Variants in CHRM2 observed in about 807,000 individuals in gnomAD.
CHRM2 encodes the protein muscarinic acetylcholine receptor M2.
CHRM2 carries 8 observed loss-of-function variants against 25.0 expected under a neutral mutation model. The observed-to-expected ratio is 0.32, with a 90% CI of 0.19 to 0.58. CHRM2 has a LOEUF of 0.58. Ranked by LOEUF, CHRM2 falls within the 20% of genes least tolerant of loss-of-function variation. CHRM2 has a pLI of 0.88. For missense variants in CHRM2, 440 were observed against 567.1 expected (o/e 0.78, Z 2.28); for synonymous variants, 202 against 205.7 (o/e 0.98, Z 0.15).
At position 136,896,015 on chromosome 7, in the gene CHRM2, C is replaced by T. The variant is rs906698517; in HGVS notation, c.-125+26597C>T. Among the ~76,000 whole-genome samples the T allele has an allele frequency of 3.9e-5, 6 of 152,032 alleles. No homozygotes were observed. In the East Asian group the frequency reaches 7.7e-4, roughly 20 times the overall value. On this transcript the variant is annotated intron_variant, in intron 2 of 3. Coordinates refer to ENST00000680005, the MANE Select transcript of CHRM2 (RefSeq NM_001006630.2). ...TTAAGCTTCTAGTAGTCAAGGGCTTCGGTAGTGTTATACAGACTTGTTTTT... is the reference window on the plus strand; with the variant it reads ...TTAAGCTTCTAGTAGTCAAGGGCTTTGGTAGTGTTATACAGACTTGTTTTT...
chr7:137,011,298 A>C (rs1804810090), intron 3 of CHRM2, among the ~76,000 whole-genome samples: 1 of 151,030 alleles, frequency 6.6e-6, no homozygotes, highest in African/African-American at 2.4e-5. Flanking sequence ...TCCCATCTGC[A>C]AGCCTGAGAC....
chr7:136,868,994 T>G lies in CHRM2; in HGVS notation c.-283+2T>G, dbSNP rs1365443036. The G allele has an allele frequency of 6.6e-6, 1 of 152,396 alleles. No individual in the cohort carries two copies. The highest frequency in any genetic ancestry group is 3.3e-3 in the Middle Eastern group (1 of 300). The allele number at this position is 152,396 out of a possible 1,614,324, so 9.4% of individuals were successfully genotyped here. ...CTCCAGGCTCTTCGTGAAAGCCAGG[T>G]TTGAAAGTCTTGTTTGCTTCTCCTT... On this transcript the variant is annotated splice_donor_variant, in intron 1 of 3. Coordinates refer to ENST00000680005, the MANE Select transcript of CHRM2 (RefSeq NM_001006630.2). LOFTEE classifies it low-confidence loss of function (5UTR_SPLICE).
At chr7:136,913,797 G>C (rs1439449159) in intron 2 of CHRM2, among the ~76,000 whole-genome samples, 1 of 151,930 alleles carries the variant, frequency 6.6e-6, no homozygotes, top group Non-Finnish European at 1.5e-5. Flanking sequence ...ATGATCAAAG[G>C]TGTAGATGGA....
chr7:137,012,899 C>T (rs1313403494), intron 3 of CHRM2, among the ~76,000 whole-genome samples: 3 of 151,794 alleles, frequency 2.0e-5, no homozygotes, highest in East Asian at 1.9e-4. Flanking sequence ...GTGATTATCC[C>T]GCTAGTCCCA....
chr7:137,001,940 C>A (rs1361807529), intron 3 of CHRM2, among the ~76,000 whole-genome samples: 1 of 152,080 alleles, frequency 6.6e-6, no homozygotes, highest in Non-Finnish European at 1.5e-5. Flanking sequence ...ACAACCTAAG[C>A]CATCTCCTAC....
intron 2 of CHRM2, chr7:136,871,944 T>G (rs1422172110): frequency 6.6e-6 from 1 of 152,222 alleles, no homozygotes; most frequent in Non-Finnish European, 1.5e-5. Flanking sequence ...GTTGCAGCAA[T>G]ACAATGGATA....
chr7:136,926,140 G>C (rs1584767503), intron 2 of CHRM2, among the ~76,000 whole-genome samples: 1 of 152,142 alleles, frequency 6.6e-6, no homozygotes, highest in African/African-American at 2.4e-5. Context: ...TGGGGGCTGA[G>C]GCAGGAGATT....
chr7:137,003,862 G>A (rs1458573749), intron 3 of CHRM2, among the ~76,000 whole-genome samples: 1 of 152,094 alleles, frequency 6.6e-6, no homozygotes, highest in African/African-American at 2.4e-5. Flanking sequence ...CTGTTCTTGT[G>A]ATAGCCAGTG....
At chr7:136,936,744 GAAAC>G (rs1403571105) in intron 2 of CHRM2, among the ~76,000 whole-genome samples, 2 of 152,026 alleles carry the variant, frequency 1.3e-5, no homozygotes, top group Non-Finnish European at 2.9e-5. Flanking sequence ...TTTGTAATCA[GAAAC>G]AAAATCAATT....
rs372356228 is a variant in CHRM2 at position 136,883,580 on chromosome 7, C to A, written c.-125+14162C>A. Among the ~76,000 whole-genome samples, 41 of 152,230 alleles carry A rather than the reference C, an allele frequency of 2.7e-4. No individual in the cohort carries two copies. The East Asian group carries it at 7.1e-3, about 27-fold the overall frequency. ...TTTCATCAACCTACAATGAATACTT[C>A]TATGGAAGGTTCCACATGATTATTT... is the stretch of plus-strand genomic sequence containing the variant. On this transcript the variant is annotated intron_variant, in intron 2 of 3. Coordinates refer to ENST00000680005, the MANE Select transcript of CHRM2 (RefSeq NM_001006630.2).
chr7:137,020,053 C>T lies in CHRM2; in HGVS notation c.*3787C>T, dbSNP rs925114074. On this transcript the variant is annotated 3_prime_UTR_variant, in exon 4 of 4. Coordinates refer to ENST00000680005, the MANE Select transcript of CHRM2 (RefSeq NM_001006630.2). ...GAAATTGTGCAAAGTGTATTCTCAGCATGTATATTCAATACCATGCCTCTT... is the reference window on the plus strand; with the variant it reads ...GAAATTGTGCAAAGTGTATTCTCAGTATGTATATTCAATACCATGCCTCTT... The T allele has an allele frequency of 6.6e-6, 1 of 151,724 alleles. No homozygotes were observed. The highest frequency in any genetic ancestry group is 1.5e-5 in the Non-Finnish European group (1 of 67,864). 9.4% of individuals were successfully genotyped at this position (151,724 alleles called of 1,614,324 possible).
intron 2 of CHRM2, among the ~76,000 whole-genome samples, chr7:136,909,955 C>T (rs1364708432): frequency 2.0e-5 from 3 of 151,536 alleles, no homozygotes; most frequent in Admixed American, 6.6e-5. Context: ...TACATTTTTC[C>T]TCCATGATAA....
At chr7:136,977,196 T>G (rs373997118) in intron 2 of CHRM2, among the ~76,000 whole-genome samples, 9 of 152,148 alleles carry the variant, frequency 5.9e-5, no homozygotes, top group South Asian at 2.1e-4. Context: ...CTTACCCACA[T>G]GATTAAGATT....
chr7:136,918,430 T>G (rs1798241940), intron 2 of CHRM2, among the ~76,000 whole-genome samples: 1 of 152,084 alleles, frequency 6.6e-6, no homozygotes, highest in Non-Finnish European at 1.5e-5. Flanking sequence ...ACCTTAAAAC[T>G]ATACTTAAAT....
Position 136,942,883 on chromosome 7 carries a change from T to C in CHRM2, c.-124-49304T>C, listed in dbSNP as rs893379483. The stretch of plus-strand genomic sequence containing the variant: ...CTCTTTTCTTTTCTCTTCAAAATTT[T>C]TCTTTGTCCTTCGTATTATTTTCTA... On this transcript the variant is annotated intron_variant, in intron 2 of 3. Transcript: ENST00000680005. Among the ~76,000 whole-genome samples the C allele has an allele frequency of 6.6e-5, 10 of 152,170 alleles. No homozygotes were observed. The East Asian group carries it at 1.9e-3, about 29-fold the overall frequency.
rs976617972 is a variant in CHRM2 at position 137,019,034 on chromosome 7, T to C, written c.*2768T>C. The C allele has an allele frequency of 6.6e-6, 1 of 151,914 alleles. No individual in the cohort carries two copies. The highest frequency in any genetic ancestry group is 1.5e-5 in the Non-Finnish European group (1 of 67,916). The allele number at this position is 151,914 out of a possible 1,614,324, so 9.4% of individuals were successfully genotyped here. A position where few individuals can be genotyped will look rare whatever the true frequency, so the allele number is the denominator to read the frequency against. On this transcript the variant is annotated 3_prime_UTR_variant, in exon 4 of 4. Coordinates refer to ENST00000680005, the MANE Select transcript of CHRM2 (RefSeq NM_001006630.2). Reference sequence around the variant, plus strand: ...AGTGCATAGAGGCTGGGAATGCTGCTAAATAGCCTATAATGCTCAGGACAT... The same window carrying C: ...AGTGCATAGAGGCTGGGAATGCTGCCAAATAGCCTATAATGCTCAGGACAT...
chr7:136,878,351 C>T (rs1249993348), intron 2 of CHRM2, among the ~76,000 whole-genome samples: 2 of 151,966 alleles, frequency 1.3e-5, no homozygotes, highest in South Asian at 4.1e-4. Context: ...ATAATAAAGA[C>T]TTTATTTTTC....
chr7:136,969,053 T>C (rs2130922537), intron 2 of CHRM2, among the ~76,000 whole-genome samples: 1 of 152,162 alleles, frequency 6.6e-6, no homozygotes, highest in Non-Finnish European at 1.5e-5. Context: ...ACATGAAGAA[T>C]CCTTTAAGGA....
Position 136,934,345 on chromosome 7 carries a change from T to C in CHRM2, c.-124-57842T>C, listed in dbSNP as rs1799291220. ...ATCTATTTTCTATTTTTTATTCTTATGTCCACAGAGATACTTCATGTCATG... is the reference window on the plus strand; with the variant it reads ...ATCTATTTTCTATTTTTTATTCTTACGTCCACAGAGATACTTCATGTCATG... On this transcript the variant is annotated intron_variant, in intron 2 of 3. Coordinates refer to ENST00000680005, the MANE Select transcript of CHRM2 (RefSeq NM_001006630.2). Among the ~76,000 whole-genome samples the C allele has an allele frequency of 3.3e-5, 5 of 152,220 alleles. No individual in the cohort carries two copies. In the South Asian group the frequency reaches 8.3e-4, roughly 25 times the overall value.
Sources: gnomAD v4.1 joint callset for allele counts (sites outside exome capture counted in the v4.1 genomes callset) on GRCh38, gnomAD v4.1.1 for gene constraint, MANE v1.5 for transcripts, NCBI Gene and HGNC (gene_info 2026-07-23, HGNC 2026-07-21) for gene names.